PAN3: variants seen among roughly 807,000 people sequenced by gnomAD.
PAN3 encodes the protein PAN2-PAN3 deadenylation complex subunit PAN3.
In PAN3, 19 loss-of-function variants were observed where a neutral mutation model predicts 96.2. That is an observed-to-expected ratio of 0.20 (90% CI 0.14 to 0.29). The LOEUF (loss-of-function observed/expected upper bound fraction) is 0.29, where lower values mean the gene tolerates loss of function less well. Among genes scored for constraint, PAN3 ranks in the 10% least tolerant of loss-of-function variants. The probability of loss-of-function intolerance (pLI) is 1.00; values close to 1 mark genes in which losing one functional copy is unlikely to be tolerated. For missense variants in PAN3, 882 were observed against 1,108.1 expected, an observed-to-expected ratio of 0.80 and a Z score of 2.90; for synonymous variants, 433 against 406.6, an observed-to-expected ratio of 1.06 and a Z score of -0.78.
rs970237019 is a variant in PAN3, at chr13:28,267,484, T to C, written c.1792+83T>C. 96 of 1,127,792 alleles carry C rather than the reference T, an allele frequency of 8.5e-5. 1 individual carries two copies. The highest frequency in any genetic ancestry group is 2.4e-4 in the Middle Eastern group (1 of 4,102). 69.9% of individuals were successfully genotyped at this position (1,127,792 alleles called of 1,614,324 possible). On this transcript the variant is annotated intron_variant, in intron 12 of 18. Coordinates refer to ENST00000380958, the MANE Select transcript of PAN3 (RefSeq NM_175854.8). ...GTAGTTTTCTATTTTAAAATACGTA[T>C]AATTTTTCCCTGTAATCATTTAGTT...
At chr13:28,141,718 C>T (rs1299182746) in intron 1 of PAN3, among the ~76,000 whole-genome samples, 16 of 152,048 alleles carry the variant, frequency 1.1e-4, no homozygotes, top group Admixed American at 2.6e-4. Context: ...CCGCCTGCCT[C>T]GGCCTCCTAG....
chr13:28,186,219 C>T (rs1315123149), intron 4 of PAN3, among the ~76,000 whole-genome samples: 1 of 152,036 alleles, frequency 6.6e-6, no homozygotes, highest in East Asian at 1.9e-4. Flanking sequence ...ATTTTGTTAT[C>T]TTAGGTTTAG....
At chr13:28,194,466 A>ATATATATATTTTT (rs1429166016) in intron 4 of PAN3, among the ~76,000 whole-genome samples, 43 of 122,104 alleles carry the variant, frequency 3.5e-4, no homozygotes, top group African/African-American at 1.4e-3. Context: ...ATATATATAT[A>ATATATATATTTTT]TTTTTTTTTT....
intron 4 of PAN3, among the ~76,000 whole-genome samples, chr13:28,192,443 A>G (rs1344596442): frequency 6.6e-6 from 1 of 152,158 alleles, no homozygotes; most frequent in Non-Finnish European, 1.5e-5. Flanking sequence ...TGAACTGCAT[A>G]CTTGTGGTTT....
Position 28,260,447 on chromosome 13 carries a change from G to A in PAN3, c.1249G>A (p.Val417Met). The change falls in exon 8 of 19, where the codon GTG becomes ATG. Residue 417 changes from valine to methionine, a missense_variant and splice_region_variant. By Grantham distance (21) the Val-to-Met change is conservative. This residue lies in a region of PAN3 where 364 missense variants were observed against 513.6 expected (regional missense o/e 0.71). Coordinates refer to ENST00000380958, the MANE Select transcript of PAN3 (RefSeq NM_175854.8). ...DTTPAPLTGM[V>M]FPNYHIYPPT... Reference sequence around the variant, plus strand: ...ATTTACCCCCTTCCTACCTTTTTAGGTGTTTCCAAACTATCATATTTATCC... The same window carrying A: ...ATTTACCCCCTTCCTACCTTTTTAGATGTTTCCAAACTATCATATTTATCC... 1.2e-6 allele frequency: 2 copies of A among 1,605,658 alleles called. No individual in the cohort carries two copies. The highest frequency in any genetic ancestry group is 1.7e-6 in the Non-Finnish European group (2 of 1,172,652).
chr13:28,172,819 G>T (rs1236204669), intron 1 of PAN3, among the ~76,000 whole-genome samples: 1 of 152,164 alleles, frequency 6.6e-6, no homozygotes, highest in African/African-American at 2.4e-5. Context: ...CACTTATAGA[G>T]GCTGAGATGA....
chr13:28,281,766 C>CTTTT (rs10707261), intron 17 of PAN3, among the ~76,000 whole-genome samples: 13 of 114,960 alleles, frequency 1.1e-4, no homozygotes, highest in Non-Finnish European at 1.4e-4. Flanking sequence ...TTAAAGCACA[C>CTTTT]TTTTTTTTTT....
rs112193345 is a variant in PAN3 at position 28,267,087 on chromosome 13, T to C, written c.1574-8T>C. On this transcript the variant is annotated splice_region_variant and splice_polypyrimidine_tract_variant and intron_variant, in intron 10 of 18. Coordinates refer to ENST00000380958, the MANE Select transcript of PAN3 (RefSeq NM_175854.8). The stretch of plus-strand genomic sequence containing the variant: ...AGAGTTTACTGGAGTAGAAAAATTG[T>C]CTTCCAGGTTTTCGTCTTGTTAACA... The C allele has an allele frequency of 1.9e-6, 3 of 1,587,072 alleles. No individual in the cohort carries two copies. The East Asian group carries it at 6.7e-5, about 36-fold the overall frequency.
intron 1 of PAN3, among the ~76,000 whole-genome samples, chr13:28,156,185 AAAG>A (rs143100673): frequency 0.1 from 15,800 of 152,178 alleles, 1,016 homozygotes; most frequent in Middle Eastern, 0.2. Flanking sequence ...AATACAGAAA[AAAG>A]AAGATCCAAA....
Position 28,270,763 on chromosome 13 carries a change from G to A in PAN3, c.1855G>A (p.Ala619Thr). The A allele has an allele frequency of 6.2e-7, 1 of 1,613,890 alleles. No individual in the cohort carries two copies. The highest frequency in any genetic ancestry group is 8.5e-7 in the Non-Finnish European group (1 of 1,179,846). The change falls in exon 13 of 19, where the codon GCA becomes ACA. Residue 619 changes from alanine to threonine, a missense_variant. Transcript: ENST00000380958. ...ATTATTGCCAGAATCTCTTATTTGGGCATATATTGTCCAACTAAGTTCTGC... is the reference window on the plus strand; with the variant it reads ...ATTATTGCCAGAATCTCTTATTTGGACATATATTGTCCAACTAAGTTCTGC... ...AGLLPESLIW[A>T]YIVQLSSALR...
intron 4 of PAN3, among the ~76,000 whole-genome samples, chr13:28,194,069 A>G (rs993959030): frequency 1.3e-5 from 2 of 151,756 alleles, no homozygotes; most frequent in Non-Finnish European, 2.9e-5. Context: ...AGGCAGGAGA[A>G]TCACCTGAAC....
At chr13:28,186,699 G>T (rs188582317) in intron 4 of PAN3, among the ~76,000 whole-genome samples, 1 of 152,246 alleles carries the variant, frequency 6.6e-6, no homozygotes, top group East Asian at 1.9e-4. Context: ...AGACATTCTG[G>T]CAGCTACATA....
chr13:28,274,404 GATA>G (rs1251814791), intron 14 of PAN3, among the ~76,000 whole-genome samples: 4 of 151,040 alleles, frequency 2.6e-5, no homozygotes, highest in African/African-American at 4.9e-5. Flanking sequence ...CATCCAAGCA[GATA>G]ATATTAAATT....
chr13:28,202,328 A>G (rs902999268), intron 5 of PAN3, among the ~76,000 whole-genome samples: 4 of 152,164 alleles, frequency 2.6e-5, no homozygotes, highest in Non-Finnish European at 2.9e-5. Flanking sequence ...TTTAAAGTCT[A>G]CAGTATCTTA....
chr13:28,217,266 A>G (rs973465590), intron 5 of PAN3, among the ~76,000 whole-genome samples: 1 of 151,630 alleles, frequency 6.6e-6, no homozygotes, highest in Non-Finnish European at 1.5e-5. Flanking sequence ...TATAAGAAGC[A>G]CTTGGTTGTT....
intron 9 of PAN3, among the ~76,000 whole-genome samples, chr13:28,265,652 T>C (rs1270967544): frequency 6.6e-6 from 1 of 152,206 alleles, no homozygotes; most frequent in Non-Finnish European, 1.5e-5. Flanking sequence ...GAATTAGTTT[T>C]CTTAATAGGG....
intron 6 of PAN3, among the ~76,000 whole-genome samples, chr13:28,221,232 A>T (rs1349959631): frequency 1.3e-5 from 2 of 152,160 alleles, no homozygotes; most frequent in African/African-American, 4.8e-5. Context: ...ATCACATTGA[A>T]TTCATAGTAA....
chr13:28,192,377 T>A (rs1044919065), intron 4 of PAN3, among the ~76,000 whole-genome samples: 7 of 152,162 alleles, frequency 4.6e-5, no homozygotes, highest in African/African-American at 1.7e-4. Flanking sequence ...CAATACTTTT[T>A]AAAAATTGCA....
At chr13:28,234,220 A>G (rs1882867849) in intron 6 of PAN3, among the ~76,000 whole-genome samples, 1 of 152,228 alleles carries the variant, frequency 6.6e-6, no homozygotes, top group Non-Finnish European at 1.5e-5. Flanking sequence ...TTTAAGAGGC[A>G]GGGTCTTGCT....
Sources: gnomAD v4.1 joint callset for allele counts (sites outside exome capture counted in the v4.1 genomes callset) on GRCh38, gnomAD v4.1.1 for gene constraint, gnomAD v4.1.1 regional missense constraint, MANE v1.5 for transcripts, NCBI Gene and HGNC (gene_info 2026-07-23, HGNC 2026-07-21) for gene names.